The following BMPR1B variants were observed in gnomAD, a reference collection of about 807,000 sequenced individuals.
BMPR1B encodes bone morphogenetic protein receptor type 1B, also known as bone morphogenetic protein receptor type-1B.
A neutral mutation model predicts 59.1 loss-of-function variants in BMPR1B; 12 were observed. That is an observed-to-expected ratio of 0.20 (90% confidence interval 0.13 to 0.33). The LOEUF (loss-of-function observed/expected upper bound fraction) is 0.33. Ranked by LOEUF, BMPR1B falls within the 10% of genes least tolerant of loss-of-function variation. The pLI is 1.00. For synonymous variants in BMPR1B, 237 were observed against 207.3 expected (o/e 1.14, Z -1.23); for missense variants, 550 against 610.9 (o/e 0.90, Z 1.05).
At chr4:95,057,972 ACTAT>A (rs1727055207) in intron 3 of BMPR1B, among the ~76,000 whole-genome samples, 1 of 152,198 alleles carries the variant, frequency 6.6e-6, no homozygotes, top group Admixed American at 6.5e-5. Context: ...GGTAGATCTG[ACTAT>A]CTTTTACTCT....
chr4:95,150,798 C>T (rs535019536), intron 11 of BMPR1B, among the ~76,000 whole-genome samples: 12 of 152,204 alleles, frequency 7.9e-5, no homozygotes, highest in African/African-American at 2.9e-4. Flanking sequence ...AGTCCCTGCT[C>T]TGTCCCATAC....
intron 10 of BMPR1B, among the ~76,000 whole-genome samples, chr4:95,134,714 T>G (rs1156492930): frequency 6.6e-6 from 1 of 152,216 alleles, no homozygotes; most frequent in Non-Finnish European, 1.5e-5. Flanking sequence ...TTGATGGGGT[T>G]GTTTTTTTCT....
At chr4:94,855,586 G>A (rs1725725257) in intron 1 of BMPR1B, among the ~76,000 whole-genome samples, 1 of 152,182 alleles carries the variant, frequency 6.6e-6, no homozygotes, top group Non-Finnish European at 1.5e-5. Flanking sequence ...ACAGAGGATA[G>A]TGCTTATTTT....
chr4:95,006,210 G>T (rs1722818276), intron 3 of BMPR1B, among the ~76,000 whole-genome samples: 2 of 151,842 alleles, frequency 1.3e-5, no homozygotes, highest in Non-Finnish European at 1.5e-5. Context: ...GGAGGAGGTT[G>T]CAGTGAGCTG....
chr4:94,940,692 A>G (rs1013130299), intron 2 of BMPR1B, among the ~76,000 whole-genome samples: 3 of 152,188 alleles, frequency 2.0e-5, no homozygotes, highest in Admixed American at 6.5e-5. Context: ...GGCCATCTCA[A>G]CAGCACTGGA....
intron 2 of BMPR1B, among the ~76,000 whole-genome samples, chr4:94,983,777 G>A (rs2149090301): frequency 6.6e-6 from 1 of 152,308 alleles, no homozygotes; most frequent in Admixed American, 6.5e-5. Flanking sequence ...TCTCCAGGAA[G>A]CTTTATTTTC....
intron 8 of BMPR1B, among the ~76,000 whole-genome samples, chr4:95,126,798 G>A (rs1221128404): frequency 1.3e-5 from 2 of 152,038 alleles, no homozygotes; most frequent in African/African-American, 4.8e-5. Context: ...CAATGCAGAG[G>A]TATACAGTTC....
chr4:95,083,253 C>A (rs1729312857), intron 3 of BMPR1B, among the ~76,000 whole-genome samples: 1 of 151,890 alleles, frequency 6.6e-6, no homozygotes, highest in African/African-American at 2.4e-5. Flanking sequence ...CTTGACCACA[C>A]CAAAAGAGTT....
In BMPR1B at chr4:94,951,168, T is replaced by G. The variant is rs1729919534; in HGVS notation, c.-112-44872T>G. 2.6e-5 allele frequency among the ~76,000 whole-genome samples: 4 copies of G among 152,232 alleles called. No individual in the cohort carries two copies. In the South Asian group the frequency reaches 8.3e-4, roughly 32 times the overall value. ...AAGTTGCTTATCAGCTTAAGGAGAT[T>G]TGGGCTCAGATGATGGGGTTTTCTA... On this transcript the variant is annotated intron_variant, in intron 2 of 12. Coordinates refer to ENST00000515059, the MANE Select transcript of BMPR1B (RefSeq NM_001203.3).
intron 3 of BMPR1B, among the ~76,000 whole-genome samples, chr4:95,089,495 A>C (rs1729827821): frequency 6.6e-6 from 1 of 152,190 alleles, no homozygotes; most frequent in African/African-American, 2.4e-5. Context: ...AGGTAAAATT[A>C]ACAAGGCTTT....
At chr4:94,762,512 C>G (rs969974244) in intron 1 of BMPR1B, among the ~76,000 whole-genome samples, 3 of 152,140 alleles carry the variant, frequency 2.0e-5, no homozygotes, top group Admixed American at 1.3e-4. Context: ...CTAAAAGTAG[C>G]AAGCTAGGCA....
chr4:95,152,630 A>C lies in BMPR1B; in HGVS notation c.1253-13A>C. The C allele has an allele frequency of 6.6e-7, 1 of 1,524,646 alleles. No individual in the cohort carries two copies. The highest frequency in any genetic ancestry group is 8.9e-7 in the Non-Finnish European group (1 of 1,126,756). The allele number at this position is 1,524,646 out of a possible 1,614,324, so 94.4% of individuals were successfully genotyped here. A position where few individuals can be genotyped will look rare whatever the true frequency, so the allele number is the denominator to read the frequency against. On this transcript the variant is annotated splice_polypyrimidine_tract_variant and intron_variant, in intron 11 of 12. Coordinates refer to ENST00000515059, the MANE Select transcript of BMPR1B (RefSeq NM_001203.3). ...TAATAATAATAATAATAATAGTAAC[A>C]ACATATTTTTAGGTATAGTGGAAGA...
At chr4:95,026,412 T>C (rs1170170362) in intron 3 of BMPR1B, among the ~76,000 whole-genome samples, 1 of 151,998 alleles carries the variant, frequency 6.6e-6, no homozygotes. Flanking sequence ...CATATTAAGC[T>C]TGGTTTTCCA....
intron 1 of BMPR1B, among the ~76,000 whole-genome samples, chr4:94,853,549 CATAA>C (rs911048304): frequency 2.0e-5 from 3 of 152,086 alleles, no homozygotes; most frequent in African/African-American, 7.2e-5. Context: ...ATACTGAATT[CATAA>C]ATAAGGTAAC....
intron 1 of BMPR1B, among the ~76,000 whole-genome samples, chr4:94,759,487 ATC>A (rs1158243102): frequency 6.6e-6 from 1 of 152,208 alleles, no homozygotes; most frequent in Non-Finnish European, 1.5e-5. Flanking sequence ...ATGCCAACGA[ATC>A]TCTGTTTTCT....
At chr4:95,135,016 T>C (rs1733665302) in intron 10 of BMPR1B, among the ~76,000 whole-genome samples, 2 of 152,232 alleles carry the variant, frequency 1.3e-5, no homozygotes, top group Admixed American at 1.3e-4. Context: ...AAATCTTTAA[T>C]CCATCTTGAA....
intron 4 of BMPR1B, among the ~76,000 whole-genome samples, chr4:95,111,598 A>C (rs1442229592): frequency 6.6e-6 from 1 of 152,110 alleles, no homozygotes; most frequent in Non-Finnish European, 1.5e-5. Flanking sequence ...TAATAAATGC[A>C]TCTATTCTCT....
At chr4:95,080,892 G>A (rs938786749) in intron 3 of BMPR1B, among the ~76,000 whole-genome samples, 13 of 152,112 alleles carry the variant, frequency 8.5e-5, no homozygotes, top group African/African-American at 3.1e-4. Flanking sequence ...AATGTAAAGT[G>A]TGTATAATAA....
chr4:94,978,507 A>G (rs930790982), intron 2 of BMPR1B, among the ~76,000 whole-genome samples: 7 of 152,336 alleles, frequency 4.6e-5, no homozygotes, highest in Non-Finnish European at 8.8e-5. Context: ...GCAGACTGCT[A>G]AAGTGGTAGT....
Sources: allele counts gnomAD v4.1 joint callset (sites outside exome capture counted in the v4.1 genomes callset), GRCh38; gene constraint gnomAD v4.1.1; transcripts MANE v1.5; gene names NCBI Gene and HGNC (gene_info 2026-07-23, HGNC 2026-07-21).